The following CNTN5 variants were observed in gnomAD, a reference collection of about 807,000 sequenced individuals.
The protein encoded by CNTN5 is contactin 5.
CNTN5 carries 77 observed loss-of-function variants against 129.1 expected under a neutral mutation model. The ratio of observed to expected loss-of-function variants is 0.60; its 90% confidence interval spans 0.50 to 0.72. CNTN5 has a LOEUF of 0.72. Ranked by LOEUF, CNTN5 falls within the 30% of genes least tolerant of loss-of-function variation. The pLI, the probability that CNTN5 is intolerant of heterozygous loss-of-function variation, is 0.00. For synonymous variants in CNTN5, 509 were observed against 465.6 expected (o/e 1.09, Z -1.20); for missense variants, 1,478 against 1,328.8 (o/e 1.11, Z -1.75).
At position 100,191,207 on chromosome 11, in the gene CNTN5, A is replaced by T; in HGVS notation, c.1662A>T (p.Glu554Asp). 6.2e-7 allele frequency: 1 copy of T among 1,612,760 alleles called. No individual in the cohort carries two copies. The highest frequency in any genetic ancestry group is 2.2e-5 in the East Asian group (1 of 44,770). Residue 554 changes from glutamate (E) to aspartate (D), a missense_variant, in exon 14 of 25, where the codon GAA (glutamate) becomes GAT (aspartate). Transcript: ENST00000524871. ...SDEGKYVCRG[E>D]NVFGSAEIIA... is the part of the protein sequence containing the mutation. The stretch of plus-strand genomic sequence containing the variant: ...AGGGAAAGTACGTTTGCCGAGGGGA[A>T]AACGTCTTTGGTTCTGCTGAAATTA...
intron 3 of CNTN5, among the ~76,000 whole-genome samples, chr11:99,813,323 C>T (rs1362512165): frequency 6.6e-6 from 1 of 152,102 alleles, no homozygotes; most frequent in Admixed American, 6.6e-5. Context: ...ATCAAACCTA[C>T]TCTGCTATTT....
intron 3 of CNTN5, among the ~76,000 whole-genome samples, chr11:99,702,206 G>GT (rs1371557316): frequency 2.0e-5 from 3 of 150,788 alleles, no homozygotes; most frequent in African/African-American, 7.3e-5. Context: ...TGCAGCCCCA[G>GT]TTTATTGTAA....
At chr11:99,884,291 AATAAT>A (rs1368303101) in intron 6 of CNTN5, among the ~76,000 whole-genome samples, 1 of 152,220 alleles carries the variant, frequency 6.6e-6, no homozygotes, top group Non-Finnish European at 1.5e-5. Context: ...TGAAAACTAA[AATAAT>A]ATAATTTGTA....
intron 2 of CNTN5, among the ~76,000 whole-genome samples, chr11:99,368,432 G>A (rs113161202): frequency 0.088 from 13,298 of 151,450 alleles, 916 homozygotes; most frequent in African/African-American, 0.19. Context: ...ACTTGAGCCC[G>A]GGAGTTTGAG....
chr11:99,588,057 C>T (rs1053755429), intron 3 of CNTN5, among the ~76,000 whole-genome samples: 2 of 152,016 alleles, frequency 1.3e-5, no homozygotes, highest in African/African-American at 2.4e-5. Flanking sequence ...TAGTTTAAGA[C>T]CACCGGCCGG....
At chr11:99,590,058 G>A (rs896937798) in intron 3 of CNTN5, among the ~76,000 whole-genome samples, 1 of 152,096 alleles carries the variant, frequency 6.6e-6, no homozygotes, top group Admixed American at 6.6e-5. Context: ...CAGGTATAGA[G>A]GAGGAAGGAT....
chr11:99,434,697 T>C (rs950355588), intron 2 of CNTN5, among the ~76,000 whole-genome samples: 2 of 152,178 alleles, frequency 1.3e-5, no homozygotes, highest in African/African-American at 4.8e-5. Flanking sequence ...AGAGATAAAG[T>C]GATTTGTCTT....
intron 2 of CNTN5, among the ~76,000 whole-genome samples, chr11:99,439,707 C>A (rs372574992): frequency 8.5e-3 from 808 of 95,272 alleles, no homozygotes; most frequent in Middle Eastern, 0.014. Flanking sequence ...GACTCTGTCT[C>A]AAAAAAAAAA....
chr11:99,439,429 C>T (rs1486814662), intron 2 of CNTN5, among the ~76,000 whole-genome samples: 1 of 152,014 alleles, frequency 6.6e-6, no homozygotes, highest in Non-Finnish European at 1.5e-5. Context: ...AATACATAGA[C>T]AGGCGCGGTG....
intron 3 of CNTN5, among the ~76,000 whole-genome samples, chr11:99,809,081 G>T (rs572111057): frequency 3.3e-4 from 50 of 152,154 alleles, no homozygotes; most frequent in Non-Finnish European, 6.8e-4. Context: ...ACACACATCT[G>T]CCCAAGATAG....
intron 1 of CNTN5, among the ~76,000 whole-genome samples, chr11:99,263,174 G>A (rs1267460972): frequency 6.6e-6 from 1 of 152,080 alleles, no homozygotes; most frequent in African/African-American, 2.4e-5. Flanking sequence ...TGGTTTTTAT[G>A]TGTCTTCTAC....
intron 18 of CNTN5, among the ~76,000 whole-genome samples, chr11:100,291,051 C>A (rs1333555368): frequency 6.7e-6 from 1 of 148,672 alleles, no homozygotes; most frequent in East Asian, 2.0e-4. Context: ...ATCAAAACCA[C>A]AATGAGATAC....
intron 1 of CNTN5, among the ~76,000 whole-genome samples, chr11:99,282,084 G>A (rs1443323385): frequency 6.6e-6 from 1 of 151,906 alleles, no homozygotes; most frequent in African/African-American, 2.4e-5. Context: ...GGTCCCCGTT[G>A]GTATTGTCTG....
At chr11:99,968,656 C>CTCTTTTTTTTTTTT in intron 8 of CNTN5, among the ~76,000 whole-genome samples, 1 of 73,870 alleles carries the variant, frequency 1.4e-5, no homozygotes, top group Non-Finnish European at 2.5e-5. Context: ...GCTTTGGGTA[C>CTCTTTTTTTTTTTT]TTTTTTTTTT....
At chr11:99,234,655 T>C (rs571265966) in intron 1 of CNTN5, among the ~76,000 whole-genome samples, 1 of 152,254 alleles carries the variant, frequency 6.6e-6, no homozygotes, top group African/African-American at 2.4e-5. Context: ...ATGTGCCTAA[T>C]AAATAATCAG....
intron 15 of CNTN5, among the ~76,000 whole-genome samples, chr11:100,211,919 C>T (rs1158562212): frequency 6.6e-6 from 1 of 152,060 alleles, no homozygotes; most frequent in Non-Finnish European, 1.5e-5. Flanking sequence ...TCATATGTCC[C>T]TTCAAGCACA....
chr11:99,602,175 T>C (rs984248331), intron 3 of CNTN5, among the ~76,000 whole-genome samples: 1 of 152,024 alleles, frequency 6.6e-6, no homozygotes, highest in African/African-American at 2.4e-5. Flanking sequence ...TACCATGAGA[T>C]AGAGACACAC....
intron 1 of CNTN5, among the ~76,000 whole-genome samples, chr11:99,191,942 A>T (rs1309647101): frequency 6.6e-6 from 1 of 151,788 alleles, no homozygotes; most frequent in Non-Finnish European, 1.5e-5. Flanking sequence ...GATGAAGGAA[A>T]AAATAATAAA....
At chr11:99,509,635 G>A (rs900978800) in intron 2 of CNTN5, among the ~76,000 whole-genome samples, 1 of 151,994 alleles carries the variant, frequency 6.6e-6, no homozygotes, top group Non-Finnish European at 1.5e-5. Flanking sequence ...TAATAAAATA[G>A]TATGATGTCC....
Sources: gnomAD v4.1 joint callset for allele counts (sites outside exome capture counted in the v4.1 genomes callset) on GRCh38, gnomAD v4.1.1 for gene constraint, MANE v1.5 for transcripts, NCBI Gene and HGNC (gene_info 2026-07-23, HGNC 2026-07-21) for gene names.